The following DTWD2 variants were observed in gnomAD, a reference collection of about 807,000 sequenced individuals.
DTWD2 encodes the protein DTW motif tRNA-uridine aminocarboxypropyltransferase 2.
Under a neutral mutation model 31.8 loss-of-function variants are expected in DTWD2, and 39 were observed. That is an observed-to-expected ratio of 1.22 (90% confidence interval 0.95 to 1.60). DTWD2 has a LOEUF of 1.60. DTWD2 is among the 40% of genes most tolerant of loss of function. DTWD2 has a pLI of 0.00. For synonymous variants in DTWD2, 180 were observed against 142.8 expected, an observed-to-expected ratio of 1.26 and a Z score of -1.86; for missense variants, 515 against 381.5, an observed-to-expected ratio of 1.35 and a Z score of -2.92.
chr5:118,869,118 A>ATGGTGG (rs371732780), intron 4 of DTWD2, among the ~76,000 whole-genome samples: 4 of 151,598 alleles, frequency 2.6e-5, no homozygotes, highest in African/African-American at 7.3e-5. Context: ...GCGAAAATGG[A>ATGGTGG]TGGTGGTGGT....
At chr5:118,929,112 C>A (rs2149579098) in intron 3 of DTWD2, among the ~76,000 whole-genome samples, 1 of 152,314 alleles carries the variant, frequency 6.6e-6, no homozygotes, top group East Asian at 1.9e-4. Context: ...CTAGCACAAA[C>A]AATCCTAACA....
At chr5:118,964,503 T>A (rs1388551825) in intron 1 of DTWD2, among the ~76,000 whole-genome samples, 1 of 152,214 alleles carries the variant, frequency 6.6e-6, no homozygotes, top group East Asian at 1.9e-4. Flanking sequence ...GAAGCTGGAC[T>A]GTACTGCCGC....
At chr5:118,890,683 G>A (rs1334848768) in intron 4 of DTWD2, among the ~76,000 whole-genome samples, 1 of 141,884 alleles carries the variant, frequency 7.0e-6, no homozygotes, top group Non-Finnish European at 1.5e-5. Context: ...CGATTCTTCT[G>A]CCTCAGCCTC....
Position 118,988,473 on chromosome 5 carries a change from G to A in DTWD2, c.39C>T (p.Pro13=). 1 of 1,605,282 alleles carries A rather than the reference G, an allele frequency of 6.2e-7. No homozygotes were observed. The highest frequency in any genetic ancestry group is 8.5e-7 in the Non-Finnish European group (1 of 1,177,530). ...SQKEARTLQE[P]VARPSGASSS... Reference sequence around the variant, plus strand: ...TTGAGGCCCCAGAAGGCCGCGCAACGGGCTCCTGGAGTGTTCGTGCCTCTT... The same window carrying A: ...TTGAGGCCCCAGAAGGCCGCGCAACAGGCTCCTGGAGTGTTCGTGCCTCTT... Residue 13 remains proline, a synonymous_variant, in exon 1 of 6, where the codon CCC becomes CCT. Coordinates refer to ENST00000510708, the MANE Select transcript of DTWD2 (RefSeq NM_173666.4).
intron 3 of DTWD2, among the ~76,000 whole-genome samples, chr5:118,930,980 AT>A (rs1753909836): frequency 6.6e-6 from 1 of 152,152 alleles, no homozygotes; most frequent in African/African-American, 2.4e-5. Flanking sequence ...ATCTTTGGAT[AT>A]ACTAGAAACC....
chr5:118,903,559 T>A (rs763666391), intron 4 of DTWD2, among the ~76,000 whole-genome samples: 26 of 152,012 alleles, frequency 1.7e-4, no homozygotes, highest in Non-Finnish European at 2.9e-5. Context: ...ACAAGTATGA[T>A]CTTGTCTCCA....
chr5:118,934,451 T>A (rs562711239), intron 3 of DTWD2, among the ~76,000 whole-genome samples: 1 of 151,728 alleles, frequency 6.6e-6, no homozygotes, highest in African/African-American at 2.4e-5. Flanking sequence ...GGAGATTGCA[T>A]GGAATTATAT....
intron 2 of DTWD2, among the ~76,000 whole-genome samples, chr5:118,942,943 T>C (rs980297417): frequency 6.6e-6 from 1 of 152,166 alleles, no homozygotes; most frequent in African/African-American, 2.4e-5. Context: ...GCTAGGCCTA[T>C]AGGCATACAC....
chr5:118,964,874 G>A (rs898612524), intron 1 of DTWD2, among the ~76,000 whole-genome samples: 23 of 152,230 alleles, frequency 1.5e-4, no homozygotes, highest in African/African-American at 4.1e-4. Context: ...CGTCTGGGAA[G>A]TGAGGAGCAT....
In DTWD2 at chr5:118,939,179, C is replaced by T; in HGVS notation, c.404+17G>A. 2 of 1,590,666 alleles carry T rather than the reference C, an allele frequency of 1.3e-6. No individual in the cohort carries two copies. Among genetic ancestry groups the T allele is most frequent in the Non-Finnish European group, 8.6e-7 (1 of 1,168,972 alleles). ...TGTAGAAAAGAATTATTTACATTGC[C>T]CTAACAGTTAATTTACCTTTCTTCA... On this transcript the variant is annotated intron_variant, in intron 3 of 5. Transcript: ENST00000510708.
rs1418663108 is a variant in DTWD2 at position 118,988,360 on chromosome 5, C to T, written c.152G>A (p.Ser51Asn). The T allele has an allele frequency of 3.2e-6, 5 of 1,566,736 alleles. No individual in the cohort carries two copies. In the South Asian group the frequency reaches 3.5e-5, roughly 11 times the overall value. Residue 51 changes from serine (S) to asparagine (N), a missense_variant, in exon 1 of 6, where the codon AGT (serine) becomes AAT (asparagine). By Grantham distance (46) the Ser-to-Asn change is conservative (BLOSUM62 1). Transcript: ENST00000510708. ...AALGAEADDD[S>N]ADGLWELPVE... ...CGGCAGCTCCCACAGCCCGTCCGCA[C>T]TGTCGTCGTCCGCCTCTGCGCCCAG...
intron 4 of DTWD2, among the ~76,000 whole-genome samples, chr5:118,853,174 C>A (rs944854133): frequency 6.6e-6 from 1 of 152,090 alleles, no homozygotes; most frequent in Non-Finnish European, 1.5e-5. Flanking sequence ...CACAATATAC[C>A]CATGCAACAA....
chr5:118,950,587 T>C (rs539933001), intron 1 of DTWD2, among the ~76,000 whole-genome samples: 1 of 152,058 alleles, frequency 6.6e-6, no homozygotes, highest in South Asian at 2.1e-4. Flanking sequence ...TCCAGTGGGG[T>C]CCCGCACAGA....
chr5:118,983,616 C>T (rs540516105), intron 1 of DTWD2, among the ~76,000 whole-genome samples: 206 of 152,080 alleles, frequency 1.4e-3, no homozygotes, highest in Non-Finnish European at 2.4e-3. Flanking sequence ...AATTAAAAAG[C>T]CAGAGAAAAT....
In DTWD2 at chr5:118,988,436, G is replaced by C; in HGVS notation, c.76C>G (p.Pro26Ala). 1 of 1,607,196 alleles carries C rather than the reference G, an allele frequency of 6.2e-7. No homozygotes were observed. The highest frequency in any genetic ancestry group is 1.1e-5 in the South Asian group (1 of 90,638). ...RPSGASSSQT[P>A]NDKERREGGA... is the part of the protein sequence containing the mutation. The stretch of plus-strand genomic sequence containing the variant: ...CCCTCCCGCCGCTCCTTGTCGTTCG[G>C]CGTCTGAGAGCTTGAGGCCCCAGAA... Residue 26 changes from proline (P) to alanine (A), a missense_variant, in exon 1 of 6, where the codon CCG (proline) becomes GCG (alanine). Coordinates refer to ENST00000510708, the MANE Select transcript of DTWD2 (RefSeq NM_173666.4).
At chr5:118,927,086 CAA>C (rs1753825527) in intron 4 of DTWD2, among the ~76,000 whole-genome samples, 1 of 151,948 alleles carries the variant, frequency 6.6e-6, no homozygotes, top group Admixed American at 6.6e-5. Flanking sequence ...GAGAGAGAGA[CAA>C]AGAGAGACGG....
chr5:118,964,425 T>C lies in DTWD2; in HGVS notation c.219-19776A>G, dbSNP rs1459617919. On this transcript the variant is annotated intron_variant, in intron 1 of 5. Coordinates refer to ENST00000510708, the MANE Select transcript of DTWD2 (RefSeq NM_173666.4). ...CCTCTCCTTCTCCCCACGGTCTCCC[T>C]CTCCCTCTCCCTCTCCCCACAGTCT... 2.0e-5 allele frequency among the ~76,000 whole-genome samples: 3 copies of C among 151,700 alleles called. No individual in the cohort carries two copies. The East Asian group carries it at 5.8e-4, about 29-fold the overall frequency.
At chr5:118,937,231 T>A (rs1466941082) in intron 3 of DTWD2, among the ~76,000 whole-genome samples, 1 of 152,160 alleles carries the variant, frequency 6.6e-6, no homozygotes, top group African/African-American at 2.4e-5. Context: ...TTTTAATAGA[T>A]GCATTTCACA....
chr5:118,846,026 A>C lies in DTWD2; in HGVS notation c.726+2064T>G, dbSNP rs564828314. 2.0e-5 allele frequency among the ~76,000 whole-genome samples: 3 copies of C among 152,296 alleles called. No homozygotes were observed. The East Asian group carries it at 5.8e-4, about 29-fold the overall frequency. ...CCCTAAAACAACGTAAAGTTGTCCTAACTATATAATGTTATATCATTTTTT... is the reference window on the plus strand; with the variant it reads ...CCCTAAAACAACGTAAAGTTGTCCTCACTATATAATGTTATATCATTTTTT... On this transcript the variant is annotated intron_variant, in intron 5 of 5. Transcript: ENST00000510708.
Sources: gnomAD v4.1 joint callset for allele counts (sites outside exome capture counted in the v4.1 genomes callset) on GRCh38, gnomAD v4.1.1 for gene constraint, MANE v1.5 for transcripts, NCBI Gene and HGNC (gene_info 2026-07-23, HGNC 2026-07-21) for gene names.